The following CPLANE1 variants were observed in gnomAD, a reference collection of about 807,000 sequenced individuals.
The protein encoded by CPLANE1 is ciliogenesis and planar polarity effector complex subunit 1.
A neutral mutation model predicts 362.5 loss-of-function variants in CPLANE1; 263 were observed. That is an observed-to-expected ratio of 0.73 (90% CI 0.66 to 0.80). The LOEUF (loss-of-function observed/expected upper bound fraction) is 0.80. Among genes scored for constraint, CPLANE1 ranks in the 30% least tolerant of loss-of-function variants. The pLI is 0.00. For missense variants in CPLANE1, 3,461 were observed against 3,793.4 expected, an observed-to-expected ratio of 0.91 and a Z score of 2.30; for synonymous variants, 1,212 against 1,302.6, an observed-to-expected ratio of 0.93 and a Z score of 1.50.
In CPLANE1 at chr5:37,227,257, C is replaced by A; in HGVS notation, c.1507G>T (p.Ala503Ser). ...CTGCTAAGTACCTGAAAATCTGCTG[C>A]ATTTTCATTTATTGTTTCTTCTGCC... ...LQAEETINEN[A>S]ADFQDFEAEE... The change falls in exon 11 of 53, where the codon GCA (alanine) becomes TCA (serine). Residue 503 changes from alanine (A) to serine (S), a missense_variant. Coordinates refer to ENST00000651892, the MANE Select transcript of CPLANE1 (RefSeq NM_001384732.1). The A allele has an allele frequency of 9.0e-6, 14 of 1,551,168 alleles. No homozygotes were observed. The highest frequency in any genetic ancestry group is 1.2e-5 in the Non-Finnish European group (14 of 1,146,836).
intron 44 of CPLANE1, chr5:37,142,064 T>G (rs1452946950): frequency 2.2e-6 from 2 of 909,488 alleles, no homozygotes; most frequent in Non-Finnish European, 2.7e-6. Flanking sequence ...TAATTCCAGT[T>G]GCTATATATT....
Position 37,209,960 on chromosome 5 carries a change from G to T in CPLANE1, c.2921-3535C>A. ...TCAAGTTTGAGTCTTTAGAAATAAA[G>T]CTAAATGAATATAAGAGAGAAATAG... On this transcript the variant is annotated intron_variant, in intron 16 of 52. Transcript: ENST00000651892. This position sits in a 1 kb window ranked among gnomAD's most constrained non-coding sequence, Gnocchi z 4.6. 1.9e-6 allele frequency: 2 copies of T among 1,080,438 alleles called. No individual in the cohort carries two copies. The highest frequency in any genetic ancestry group is 2.9e-6 in the Non-Finnish European group (2 of 695,932). 66.9% of individuals were successfully genotyped at this position (1,080,438 alleles called of 1,614,324 possible).
chr5:37,144,813 T>C (rs564502442), intron 43 of CPLANE1, among the ~76,000 whole-genome samples: 2 of 144,832 alleles, frequency 1.4e-5, no homozygotes, highest in South Asian at 4.3e-4. Flanking sequence ...ATAGCACCAC[T>C]GCACTCCAGC....
At chr5:37,146,547 G>T (rs1190371599) in intron 43 of CPLANE1, among the ~76,000 whole-genome samples, 1 of 152,114 alleles carries the variant, frequency 6.6e-6, no homozygotes, top group African/African-American at 2.4e-5. Context: ...AGTATATTAA[G>T]AATTTTTTAA....
intron 26 of CPLANE1, 47 bp downstream of exon 26, chr5:37,182,712 TA>T: frequency 8.8e-7 from 1 of 1,137,868 alleles, no homozygotes; most frequent in Non-Finnish European, 1.3e-6. Context: ...AGTTTTAATC[TA>T]AAATGAGAAT....
At chr5:37,149,978 G>A (rs1245476920) in intron 42 of CPLANE1, among the ~76,000 whole-genome samples, 1 of 152,188 alleles carries the variant, frequency 6.6e-6, no homozygotes, top group African/African-American at 2.4e-5. Context: ...TGCCCACCAT[G>A]TGTAGCAAAA....
intron 34 of CPLANE1, among the ~76,000 whole-genome samples, 195 bp downstream of exon 34, chr5:37,168,596 C>T (rs1180806995): frequency 6.6e-6 from 1 of 152,108 alleles, no homozygotes. Context: ...TCTTGGCCTC[C>T]CAAAGTATTG....
intron 17 of CPLANE1, among the ~76,000 whole-genome samples, 171 bp from the exon 18 acceptor site, chr5:37,205,625 C>A (rs908921244): frequency 6.6e-6 from 1 of 152,198 alleles, no homozygotes; most frequent in African/African-American, 2.4e-5. Flanking sequence ...AGACCCTCCA[C>A]GATTATGATC....
In CPLANE1 at chr5:37,209,947, CT is replaced by C; in HGVS notation, c.2921-3523del. ...TACCCTCAGCGTATCAAGTTTGAGT[CT>C]TTAGAAATAAAGCTAAATGAATATA... On this transcript the variant is annotated intron_variant, in intron 16 of 52. Transcript: ENST00000651892. This position sits in a 1 kb window ranked among gnomAD's most constrained non-coding sequence, Gnocchi z 4.6. 2.5e-6 allele frequency: 3 copies of C among 1,208,472 alleles called. No individual in the cohort carries two copies. Among genetic ancestry groups the C allele is most frequent in the Non-Finnish European group, 3.7e-6 (3 of 812,236 alleles). 74.9% of individuals were successfully genotyped at this position (1,208,472 alleles called of 1,614,324 possible).
chr5:37,197,652 G>C (rs183894240), intron 20 of CPLANE1, among the ~76,000 whole-genome samples: 2 of 152,290 alleles, frequency 1.3e-5, no homozygotes, highest in East Asian at 3.9e-4. Flanking sequence ...TGCTAAATTT[G>C]TGTTAATTTG....
chr5:37,242,181 C>T lies in CPLANE1; in HGVS notation c.677+832G>A, dbSNP rs549853205. Among the ~76,000 whole-genome samples the T allele has an allele frequency of 9.9e-5, 15 of 151,674 alleles. No homozygotes were observed. The East Asian group carries it at 2.2e-3, about 22-fold the overall frequency. The stretch of plus-strand genomic sequence containing the variant: ...CCACCTGACTAACATGGTGAAACCC[C>T]GTCTCTACTAAAAATACAAAAAGTT... On this transcript the variant is annotated intron_variant, in intron 6 of 52. Coordinates refer to ENST00000651892, the MANE Select transcript of CPLANE1 (RefSeq NM_001384732.1).
Position 37,153,770 on chromosome 5 carries a change from C to T in CPLANE1, c.8343G>A (p.Lys2781=). 1 of 1,613,120 alleles carries T rather than the reference C, an allele frequency of 6.2e-7. No homozygotes were observed. The highest frequency in any genetic ancestry group is 8.5e-7 in the Non-Finnish European group (1 of 1,179,328). ...IAENIEQDFP[K]PEMLDLHCDK... ...CACAATGTAGATCTAGCATTTCAGG[C>T]TTGGGGAAATCCTGTTCTATGTTTT... Residue 2781 remains lysine (K), a synonymous_variant, in exon 42 of 53, where the codon AAG becomes AAA. Transcript: ENST00000651892.
rs373984590 is a variant in CPLANE1 at position 37,239,698 on chromosome 5, C to T, written c.834+15G>A. ...TTCTTTTATAGATTACTTTCTAAGA[C>T]AGATATTTACTGACCTTGGGGTCTT... is the stretch of plus-strand genomic sequence containing the variant. On this transcript the variant is annotated intron_variant, in intron 7 of 52. Transcript: ENST00000651892. The T allele has an allele frequency of 1.5e-4, 207 of 1,423,300 alleles. No individual in the cohort carries two copies. Among genetic ancestry groups the T allele is most frequent in the Non-Finnish European group, 1.8e-4 (189 of 1,078,202 alleles). The allele number at this position is 1,423,300 out of a possible 1,614,324, so 88.2% of individuals were successfully genotyped here.
intron 50 of CPLANE1, among the ~76,000 whole-genome samples, chr5:37,119,707 C>CG (rs1412712963): frequency 2.8e-5 from 4 of 141,144 alleles, no homozygotes; most frequent in African/African-American, 1.1e-4. Context: ...CATTCAAGGC[C>CG]GGGCGTGGTG....
intron 15 of CPLANE1, among the ~76,000 whole-genome samples, chr5:37,217,677 T>C (rs1193174002): frequency 1.3e-5 from 2 of 151,156 alleles, no homozygotes; most frequent in Non-Finnish European, 2.9e-5. Context: ...GCAGTGCTAA[T>C]GTTAATAACA....
chr5:37,192,844 A>G (rs2151308553), intron 21 of CPLANE1, among the ~76,000 whole-genome samples: 1 of 136,292 alleles, frequency 7.3e-6, no homozygotes, highest in South Asian at 2.4e-4. Flanking sequence ...CAACAGAGCT[A>G]GACTCCATCA....
chr5:37,157,451 A>C lies in CPLANE1; in HGVS notation c.8012-31T>G, dbSNP rs776045761. On this transcript the variant is annotated intron_variant, in intron 40 of 52. Transcript: ENST00000651892. ...GGTTTAGAAAATAAATCCATAGAGGAATTGGCTGATTCTATCAAGACTATG... is the reference window on the plus strand; with the variant it reads ...GGTTTAGAAAATAAATCCATAGAGGCATTGGCTGATTCTATCAAGACTATG... The C allele has an allele frequency of 3.4e-6, 5 of 1,457,026 alleles. No homozygotes were observed. In the South Asian group the frequency reaches 5.8e-5, roughly 17 times the overall value. 90.3% of individuals were successfully genotyped at this position (1,457,026 alleles called of 1,614,324 possible).
intron 8 of CPLANE1, among the ~76,000 whole-genome samples, chr5:37,237,490 C>G (rs548848270): frequency 6.6e-6 from 1 of 152,176 alleles, no homozygotes; most frequent in African/African-American, 2.4e-5. Context: ...CTGTTGGGTA[C>G]AATGTTCACT....
chr5:37,205,314 CCTGTAAA>C lies in CPLANE1; in HGVS notation c.3283_3289del (p.Phe1095IlefsTer19). 1.3e-6 allele frequency: 2 copies of C among 1,549,598 alleles called. No homozygotes were observed. Among genetic ancestry groups the C allele is most frequent in the Non-Finnish European group, 1.7e-6 (2 of 1,146,238 alleles). On this transcript the variant is annotated frameshift_variant and splice_region_variant, in exon 18 of 53. Transcript: ENST00000651892. ...AATCAGACTATACATACATAACACACCTGTAAACTGTTTATATTTTGAGCCCATTTCA... is the reference window on the plus strand; with the variant it reads ...AATCAGACTATACATACATAACACACCTGTTTATATTTTGAGCCCATTTCA...
Sources: gnomAD v4.1 joint callset for allele counts (sites outside exome capture counted in the v4.1 genomes callset) on GRCh38, gnomAD v4.1.1 for gene constraint, Gnocchi (gnomAD v3.1) non-coding constraint, MANE v1.5 for transcripts, NCBI Gene and HGNC (gene_info 2026-07-23, HGNC 2026-07-21) for gene names.